KCTD16: variants seen among roughly 807,000 people sequenced by gnomAD.
KCTD16 encodes BTB/POZ domain-containing protein KCTD16.
Under a neutral mutation model 33.2 loss-of-function variants are expected in KCTD16, and 13 were observed. That is an observed-to-expected ratio of 0.39 (90% confidence interval 0.25 to 0.62). The LOEUF is 0.62. Ranked by LOEUF, KCTD16 falls within the 20% of genes least tolerant of loss-of-function variation. The probability of loss-of-function intolerance (pLI) is 0.50; values close to 1 mark genes in which losing one functional copy is unlikely to be tolerated. For missense variants in KCTD16, 441 were observed against 525.1 expected (o/e 0.84, Z 1.57); for synonymous variants, 197 against 195.3 (o/e 1.01, Z -0.07).
At chr5:144,473,409 C>T (rs1272524913) in intron 3 of KCTD16, among the ~76,000 whole-genome samples, 1 of 152,138 alleles carries the variant, frequency 6.6e-6, no homozygotes, top group Non-Finnish European at 1.5e-5. Flanking sequence ...TTCTGACTCC[C>T]GTGCTCATGG....
At chr5:144,375,606 T>C (rs550223095) in intron 3 of KCTD16, among the ~76,000 whole-genome samples, 1 of 152,296 alleles carries the variant, frequency 6.6e-6, no homozygotes, top group African/African-American at 2.4e-5. Flanking sequence ...CTTGAAAGGT[T>C]CATGGAGTAG....
intron 3 of KCTD16, among the ~76,000 whole-genome samples, chr5:144,314,044 G>T (rs554130986): frequency 2.6e-4 from 40 of 152,240 alleles, no homozygotes; most frequent in Admixed American, 1.4e-3. Flanking sequence ...GACTTAGAAA[G>T]TCTACTATGA....
intron 3 of KCTD16, among the ~76,000 whole-genome samples, chr5:144,220,020 T>A (rs1030886077): frequency 1.3e-5 from 2 of 152,158 alleles, no homozygotes; most frequent in Admixed American, 6.5e-5. Context: ...CTCACATTCC[T>A]TTAGTTCCTC....
intron 1 of KCTD16, among the ~76,000 whole-genome samples, chr5:144,172,523 A>G (rs924795978): frequency 1.3e-5 from 2 of 152,186 alleles, no homozygotes; most frequent in Non-Finnish European, 2.9e-5. Context: ...CTTTCTAACT[A>G]TATTTTTGAA....
At chr5:144,285,453 T>C (rs1256164972) in intron 3 of KCTD16, among the ~76,000 whole-genome samples, 2 of 152,206 alleles carry the variant, frequency 1.3e-5, no homozygotes, top group African/African-American at 4.8e-5. Flanking sequence ...CTCTGCCAGT[T>C]CCTTCTGTCA....
At chr5:144,188,223 G>A (rs1307140415) in intron 2 of KCTD16, among the ~76,000 whole-genome samples, 1 of 152,118 alleles carries the variant, frequency 6.6e-6, no homozygotes, top group Non-Finnish European at 1.5e-5. Flanking sequence ...ATCCTTCTAT[G>A]TGTATTGTCC....
At chr5:144,459,546 C>T (rs1580981105) in intron 3 of KCTD16, among the ~76,000 whole-genome samples, 1 of 151,894 alleles carries the variant, frequency 6.6e-6, no homozygotes, top group Admixed American at 6.6e-5. Flanking sequence ...GACAAGGTTT[C>T]ACTATGCTGT....
intron 3 of KCTD16, among the ~76,000 whole-genome samples, chr5:144,217,413 A>G (rs1481576678): frequency 6.6e-6 from 1 of 152,166 alleles, no homozygotes; most frequent in African/African-American, 2.4e-5. Flanking sequence ...AAATTTATTA[A>G]TTCTTATTTG....
intron 3 of KCTD16, among the ~76,000 whole-genome samples, chr5:144,308,171 T>C (rs981416077): frequency 3.9e-5 from 6 of 152,212 alleles, no homozygotes; most frequent in Admixed American, 3.3e-4. Flanking sequence ...CTCTCTGAAA[T>C]TTTAATTGCC....
chr5:144,199,850 G>C (rs1158757638), intron 2 of KCTD16, among the ~76,000 whole-genome samples: 2 of 151,558 alleles, frequency 1.3e-5, no homozygotes. Context: ...CCGTAGCTGG[G>C]ACTACAAGTG....
At chr5:144,183,065 G>T (rs1752658602) in intron 2 of KCTD16, among the ~76,000 whole-genome samples, 1 of 151,736 alleles carries the variant, frequency 6.6e-6, no homozygotes, top group East Asian at 1.9e-4. Context: ...AAATAAAAGA[G>T]TGGGAGTAAG....
chr5:144,385,882 A>G (rs2126934630), intron 3 of KCTD16, among the ~76,000 whole-genome samples: 1 of 152,190 alleles, frequency 6.6e-6, no homozygotes, highest in Middle Eastern at 3.4e-3. Context: ...ACCTAATATT[A>G]ACGTCTATTT....
At chr5:144,468,239 G>A (rs1754391582) in intron 3 of KCTD16, among the ~76,000 whole-genome samples, 1 of 152,104 alleles carries the variant, frequency 6.6e-6, no homozygotes, top group Non-Finnish European at 1.5e-5. Context: ...ACTTAAGGAT[G>A]GTAGCCACCT....
intron 3 of KCTD16, among the ~76,000 whole-genome samples, chr5:144,331,170 T>G (rs1422422151): frequency 6.6e-6 from 1 of 152,180 alleles, no homozygotes; most frequent in Non-Finnish European, 1.5e-5. Context: ...CGCCAAAAGT[T>G]TAGTGAGTCC....
At chr5:144,412,322 A>G (rs1752950413) in intron 3 of KCTD16, among the ~76,000 whole-genome samples, 1 of 152,208 alleles carries the variant, frequency 6.6e-6, no homozygotes, top group Admixed American at 6.5e-5. Flanking sequence ...AATGTACCCA[A>G]TGGAAAATCA....
At chr5:144,287,200 C>T (rs1452589615) in intron 3 of KCTD16, among the ~76,000 whole-genome samples, 2 of 152,118 alleles carry the variant, frequency 1.3e-5, no homozygotes, top group Admixed American at 1.3e-4. Flanking sequence ...TAGGCAAGAT[C>T]ATCAGAAAGT....
At chr5:144,425,654 C>T (rs1247262509) in intron 3 of KCTD16, among the ~76,000 whole-genome samples, 1 of 152,002 alleles carries the variant, frequency 6.6e-6, no homozygotes, top group African/African-American at 2.4e-5. Context: ...CTTATGGCTT[C>T]TACCTTCTGG....
rs145403639 is a variant in KCTD16 at position 144,189,922 on chromosome 5, C to G, written c.-327+15450C>G. 3.2e-3 allele frequency among the ~76,000 whole-genome samples: 488 copies of G among 152,274 alleles called. 1 individual carries two copies. The highest frequency in any genetic ancestry group is 5.6e-3 in the Admixed American group (86 of 15,294). On this transcript the variant is annotated intron_variant, in intron 2 of 3. Transcript: ENST00000512467. ...CTGTGTCAGAACTACTTATTGCATT[C>G]AGGATGAGGCTGACAACCCACAACC...
chr5:144,452,515 G>A (rs1753967780), intron 3 of KCTD16, among the ~76,000 whole-genome samples: 1 of 151,888 alleles, frequency 6.6e-6, no homozygotes, highest in Non-Finnish European at 1.5e-5. Flanking sequence ...GGGAAAGAGA[G>A]AAATAGGGAC....
Sources: allele counts gnomAD v4.1 joint callset (sites outside exome capture counted in the v4.1 genomes callset), GRCh38; gene constraint gnomAD v4.1.1; transcripts MANE v1.5; gene names NCBI Gene and HGNC (gene_info 2026-07-23, HGNC 2026-07-21).